PLCXD3: variants seen among roughly 807,000 people sequenced by gnomAD.
The protein encoded by PLCXD3 is phosphatidylinositol specific phospholipase C X domain containing 3.
In PLCXD3, 19 loss-of-function variants were observed where a neutral mutation model predicts 25.5. The observed-to-expected ratio is 0.75, with a 90% CI of 0.52 to 1.09. The LOEUF is 1.09. PLCXD3 is among the 50% of genes least tolerant of loss of function. PLCXD3 has a pLI of 0.00. For missense variants in PLCXD3, 411 were observed against 388.1 expected (o/e 1.06, Z -0.50); for synonymous variants, 174 against 137.6 (o/e 1.26, Z -1.85).
At chr5:41,327,298 CCAGGTCGTTAAGGACTTCCTTTGA>C (rs1282866335) in intron 2 of PLCXD3, among the ~76,000 whole-genome samples, 5 of 152,104 alleles carry the variant, frequency 3.3e-5, no homozygotes, top group African/African-American at 1.2e-4. Context: ...AGGTGTTTGG[CCAGGTCGTTAAGGACTTCCTTTGA>C]CATGCTGTGG....
intron 1 of PLCXD3, among the ~76,000 whole-genome samples, chr5:41,430,349 T>C (rs1038553598): frequency 2.6e-5 from 4 of 152,148 alleles, no homozygotes; most frequent in Admixed American, 6.6e-5. Context: ...GGAACCCTGA[T>C]AGGGTTAGAT....
At chr5:41,474,206 T>G (rs1748231725) in intron 1 of PLCXD3, among the ~76,000 whole-genome samples, 1 of 152,180 alleles carries the variant, frequency 6.6e-6, no homozygotes, top group African/African-American at 2.4e-5. Flanking sequence ...CCTTTGTATT[T>G]ATTGGGTAGA....
chr5:41,423,418 A>G (rs1207294665), intron 1 of PLCXD3, among the ~76,000 whole-genome samples: 131 of 152,236 alleles, frequency 8.6e-4, no homozygotes, highest in Admixed American at 8.6e-3. Flanking sequence ...ATATTGGCAC[A>G]AAGTAGTTCA....
intron 1 of PLCXD3, among the ~76,000 whole-genome samples, chr5:41,414,321 G>A (rs1746639870): frequency 6.6e-6 from 1 of 151,940 alleles, no homozygotes; most frequent in African/African-American, 2.4e-5. Context: ...CGCAACCTCC[G>A]CCTCACCAGT....
At chr5:41,508,571 T>C (rs981913084) in intron 1 of PLCXD3, among the ~76,000 whole-genome samples, 1 of 152,332 alleles carries the variant, frequency 6.6e-6, no homozygotes, top group African/African-American at 2.4e-5. Flanking sequence ...CTGGTGTACA[T>C]AACAGGGCTT....
chr5:41,443,123 C>T (rs914401605), intron 1 of PLCXD3, among the ~76,000 whole-genome samples: 39 of 149,364 alleles, frequency 2.6e-4, no homozygotes, highest in African/African-American at 9.3e-4. Flanking sequence ...GTATATAATT[C>T]ATATATACCC....
chr5:41,323,125 GA>G (rs1743525254), intron 2 of PLCXD3, among the ~76,000 whole-genome samples: 1 of 152,108 alleles, frequency 6.6e-6, no homozygotes, highest in South Asian at 2.1e-4. Flanking sequence ...GGTACAGAAA[GA>G]CAAATATCAC....
intron 2 of PLCXD3, among the ~76,000 whole-genome samples, chr5:41,371,640 C>G (rs1173347763): frequency 6.6e-6 from 1 of 152,156 alleles, no homozygotes; most frequent in Admixed American, 6.6e-5. Flanking sequence ...TGTATGAACC[C>G]CATGGTATGT....
chr5:41,402,059 G>T lies in PLCXD3; in HGVS notation c.104-19525C>A, dbSNP rs867389469. The stretch of plus-strand genomic sequence containing the variant: ...CCTAAGAACCAGTTTTTGTGTCATT[G>T]TTTTTTCTGCTATGTATTTTCCTTA... On this transcript the variant is annotated intron_variant, in intron 1 of 2. Transcript: ENST00000377801. 5.9e-5 allele frequency among the ~76,000 whole-genome samples: 9 copies of T among 151,704 alleles called. No homozygotes were observed. The South Asian group carries it at 1.7e-3, about 28-fold the overall frequency.
intron 1 of PLCXD3, among the ~76,000 whole-genome samples, chr5:41,460,525 G>C (rs933777532): frequency 6.6e-6 from 1 of 151,912 alleles, no homozygotes; most frequent in African/African-American, 2.4e-5. Flanking sequence ...TTATAGCAGA[G>C]TACCTGGCAT....
Position 41,332,603 on chromosome 5 carries a change from C to T in PLCXD3, c.813-18833G>A, listed in dbSNP as rs577737437. 2.0e-5 allele frequency among the ~76,000 whole-genome samples: 3 copies of T among 152,116 alleles called. 1 individual carries two copies. In the East Asian group the frequency reaches 5.8e-4, roughly 29 times the overall value. On this transcript the variant is annotated intron_variant, in intron 2 of 2. Transcript: ENST00000377801. The stretch of plus-strand genomic sequence containing the variant: ...GCCATCCCATTACTGAGTATATACC[C>T]AAAGGACTATAAATCATGCTGCTAT...
At chr5:41,378,870 G>A (rs777010145) in intron 2 of PLCXD3, among the ~76,000 whole-genome samples, 10 of 151,970 alleles carry the variant, frequency 6.6e-5, no homozygotes, top group Non-Finnish European at 1.5e-4. Context: ...ACTATGACTT[G>A]AAAACTTCTA....
intron 1 of PLCXD3, chr5:41,456,424 GCTAA>G (rs1344526474): frequency 8.1e-6 from 3 of 368,916 alleles, no homozygotes; most frequent in African/African-American, 6.7e-5. Flanking sequence ...ATGTACAATG[GCTAA>G]CTTTTTTCTA....
chr5:41,446,885 C>A (rs986048469), intron 1 of PLCXD3, among the ~76,000 whole-genome samples: 8 of 152,206 alleles, frequency 5.3e-5, no homozygotes, highest in African/African-American at 1.9e-4. Flanking sequence ...ATTTAGATAC[C>A]CGTCTTCTAG....
intron 1 of PLCXD3, among the ~76,000 whole-genome samples, chr5:41,462,101 A>AACAT (rs2150517269): frequency 6.6e-6 from 1 of 152,146 alleles, no homozygotes; most frequent in South Asian, 2.1e-4. Flanking sequence ...CTCTGTAAGA[A>AACAT]ACATACATAG....
chr5:41,452,117 G>T (rs1580380086), intron 1 of PLCXD3, among the ~76,000 whole-genome samples: 3 of 152,122 alleles, frequency 2.0e-5, no homozygotes, highest in East Asian at 3.9e-4. Flanking sequence ...CCCTGATTCT[G>T]TCTCCCAAAT....
chr5:41,344,204 T>C (rs1161604512), intron 2 of PLCXD3, among the ~76,000 whole-genome samples: 1 of 152,094 alleles, frequency 6.6e-6, no homozygotes, highest in East Asian at 1.9e-4. Context: ...GAACACAGAA[T>C]AGAAGAAGAC....
intron 2 of PLCXD3, among the ~76,000 whole-genome samples, chr5:41,338,124 T>G (rs1280509620): frequency 6.6e-6 from 1 of 152,142 alleles, no homozygotes; most frequent in Non-Finnish European, 1.5e-5. Flanking sequence ...TCAGAGAATA[T>G]CGGGTCTGAA....
At chr5:41,363,413 A>G (rs1042457768) in intron 2 of PLCXD3, among the ~76,000 whole-genome samples, 4 of 152,048 alleles carry the variant, frequency 2.6e-5, no homozygotes, top group African/African-American at 9.7e-5. Flanking sequence ...AATTCAGGAT[A>G]TTTTCTCTTA....
Sources: allele counts gnomAD v4.1 joint callset (sites outside exome capture counted in the v4.1 genomes callset), GRCh38; gene constraint gnomAD v4.1.1; transcripts MANE v1.5; gene names NCBI Gene and HGNC (gene_info 2026-07-23, HGNC 2026-07-21).